The following HMCN1 variants were observed in gnomAD, a reference collection of about 807,000 sequenced individuals.
HMCN1 encodes the protein hemicentin-1.
Under a neutral mutation model 625.9 loss-of-function variants are expected in HMCN1, and 321 were observed. The observed-to-expected ratio is 0.51, with a 90% CI of 0.47 to 0.56. The LOEUF is 0.56. Ranked by LOEUF, HMCN1 falls within the 20% of genes least tolerant of loss-of-function variation. The pLI, the probability that HMCN1 is intolerant of heterozygous loss-of-function variation, is 0.00. For synonymous variants in HMCN1, 2,425 were observed against 2,417.6 expected (o/e 1.00, Z -0.09); for missense variants, 6,588 against 6,887.3 (o/e 0.96, Z 1.54).
At chr1:185,743,992 T>C in intron 1 of HMCN1, among the ~76,000 whole-genome samples, 1 of 139,636 alleles carries the variant, frequency 7.2e-6, no homozygotes, top group Admixed American at 7.1e-5. Context: ...GTTTTTTTTT[T>C]TTTTTTTTTT....
chr1:185,906,951 A>ATTTTTTTTTT (rs573094693), intron 4 of HMCN1, among the ~76,000 whole-genome samples: 4 of 108,630 alleles, frequency 3.7e-5, no homozygotes, highest in Non-Finnish European at 6.4e-5. Flanking sequence ...AATCCTTTCT[A>ATTTTTTTTTT]TTTTTTTTTT....
intron 15 of HMCN1, among the ~76,000 whole-genome samples, chr1:185,975,724 T>G (rs181057527): frequency 6.4e-4 from 98 of 152,338 alleles, no homozygotes; most frequent in African/African-American, 2.2e-3. Flanking sequence ...AAGAAAAATC[T>G]AAACACTGAT....
intron 103 of HMCN1, among the ~76,000 whole-genome samples, chr1:186,175,876 C>CAAAAAAAAAA (rs758445916): frequency 6.6e-5 from 5 of 76,170 alleles, no homozygotes; most frequent in African/African-American, 9.8e-5. Context: ...AACTATGTCT[C>CAAAAAAAAAA]AAAAAAAAAA....
chr1:186,114,761 A>G lies in HMCN1; in HGVS notation c.11277-58A>G, dbSNP rs558536831. On this transcript the variant is annotated intron_variant, in intron 73 of 106. Coordinates refer to ENST00000271588, the MANE Select transcript of HMCN1 (RefSeq NM_031935.3). ...AGTGTTTAACATTTCCCTCAGTCAA[A>G]ATATGAACAATCAAAAAAGGCTGAT... 2.0e-5 allele frequency: 32 copies of G among 1,602,624 alleles called. No homozygotes were observed. In the South Asian group the frequency reaches 2.9e-4, roughly 14 times the overall value.
intron 28 of HMCN1, among the ~76,000 whole-genome samples, 165 bp from the exon 29 acceptor site, chr1:186,003,553 A>G (rs1558134055): frequency 6.6e-6 from 1 of 152,132 alleles, no homozygotes; most frequent in Non-Finnish European, 1.5e-5. Context: ...TAAATTTAAC[A>G]TTTGGGTACA....
In HMCN1 at chr1:185,997,521, A is replaced by G; in HGVS notation, c.3871A>G (p.Lys1291Glu). 6.3e-7 allele frequency: 1 copy of G among 1,597,888 alleles called. No individual in the cohort carries two copies. The highest frequency in any genetic ancestry group is 8.6e-7 in the Non-Finnish European group (1 of 1,165,856). ...NQRIEFPCPAKGTPKPTIKWL... is the reference protein window; with the variant it reads ...NQRIEFPCPAEGTPKPTIKWL... Reference sequence around the variant, plus strand: ...ACGCATTGAATTTCCATGTCCTGCAAAAGGTACGTAATACTGAAAGATATA... The same window carrying G: ...ACGCATTGAATTTCCATGTCCTGCAGAAGGTACGTAATACTGAAAGATATA... Residue 1291 changes from lysine (K) to glutamate (E), a missense_variant, in exon 25 of 107, where the codon AAA becomes GAA. Lys to Glu is a moderately conservative substitution (Grantham distance 56). Transcript: ENST00000271588.
rs756587376 is a variant in HMCN1 at position 186,174,567 on chromosome 1, G to A, written c.15868G>A (p.Glu5290Lys). The change falls in exon 103 of 107, where the codon GAG becomes AAG. Residue 5290 changes from glutamate (E) to lysine (K), a missense_variant. By Grantham distance (56) the Glu-to-Lys change is moderately conservative. Transcript: ENST00000271588. ...THQCRYNQIC[E>K]NTRGSYRCVC... Reference sequence around the variant, plus strand: ...TCAGTGCAGATATAACCAGATATGTGAGAATACAAGAGGCAGCTATCGTTG... The same window carrying A: ...TCAGTGCAGATATAACCAGATATGTAAGAATACAAGAGGCAGCTATCGTTG... 4.3e-6 allele frequency: 7 copies of A among 1,613,660 alleles called. No individual in the cohort carries two copies. The Admixed American group carries it at 1.2e-4, about 27-fold the overall frequency.
rs769187405 is a variant in HMCN1 at position 186,055,605 on chromosome 1, G to A, written c.7075G>A (p.Gly2359Ser). The change falls in exon 45 of 107, where the codon GGC becomes AGC. Residue 2359 changes from glycine to serine, a missense_variant. By Grantham distance (56) the Gly-to-Ser change is moderately conservative (BLOSUM62 0). Around this residue, in one of 3 missense-constraint regions of HMCN1, gnomAD observed 4,628 missense variants for 4,853.1 expected, o/e 0.95. Coordinates refer to ENST00000271588, the MANE Select transcript of HMCN1 (RefSeq NM_031935.3). ...QLKNIHVSDT[G>S]RYVCVAVNVA... ...GAAGAACATTCATGTATCTGACACA[G>A]GCCGTTATGTGTGTGTTGCTGTGAA... is the stretch of plus-strand genomic sequence containing the variant. The A allele has an allele frequency of 6.2e-7, 1 of 1,612,688 alleles. No individual in the cohort carries two copies. Among genetic ancestry groups the A allele is most frequent in the South Asian group, 1.1e-5 (1 of 91,070 alleles).
chr1:186,079,942 G>A (rs768626424), intron 55 of HMCN1, among the ~76,000 whole-genome samples: 11 of 152,258 alleles, frequency 7.2e-5, no homozygotes, highest in Non-Finnish European at 1.5e-4. Context: ...CTAGTAGGGT[G>A]TGGCAGCTGG....
At chr1:185,844,661 C>T (rs1332590173) in intron 1 of HMCN1, among the ~76,000 whole-genome samples, 1 of 152,142 alleles carries the variant, frequency 6.6e-6, no homozygotes, top group East Asian at 1.9e-4. Context: ...ATCATCATTA[C>T]ATAAGATAAG....
At chr1:185,930,913 C>T (rs1667512304) in intron 10 of HMCN1, among the ~76,000 whole-genome samples, 1 of 150,260 alleles carries the variant, frequency 6.7e-6, no homozygotes, top group Non-Finnish European at 1.5e-5. Context: ...CCAATACACA[C>T]ACACACACAC....
rs185093642 is a variant in HMCN1, at chr1:186,035,894, T to C, written c.5750-2040T>C. On this transcript the variant is annotated intron_variant, in intron 36 of 106. Coordinates refer to ENST00000271588, the MANE Select transcript of HMCN1 (RefSeq NM_031935.3). ...ACACAATCTGCATGGGTACTTTTATTTTTCATATTCGTTATAACTGTATTT... is the reference window on the plus strand; with the variant it reads ...ACACAATCTGCATGGGTACTTTTATCTTTCATATTCGTTATAACTGTATTT... Among the ~76,000 whole-genome samples the C allele has an allele frequency of 2.9e-3, 437 of 152,222 alleles. 3 individuals carry two copies. Among genetic ancestry groups the C allele is most frequent in the African/African-American group, 9.9e-3 (413 of 41,554 alleles).
chr1:185,782,562 C>G (rs557141617), intron 1 of HMCN1, among the ~76,000 whole-genome samples: 1 of 152,180 alleles, frequency 6.6e-6, no homozygotes, highest in African/African-American at 2.4e-5. Flanking sequence ...AATCTCTCAG[C>G]ATTTGCTTGT....
chr1:186,070,496 A>T (rs1658410140), intron 51 of HMCN1, 116 bp from the exon 52 acceptor site: 1 of 877,680 alleles, frequency 1.1e-6, no homozygotes, highest in Non-Finnish European at 1.9e-6. Context: ...AGGTCAGCAT[A>T]GAATGCCTCT....
intron 4 of HMCN1, among the ~76,000 whole-genome samples, chr1:185,882,490 T>C (rs374817573): frequency 2.6e-5 from 4 of 152,074 alleles, no homozygotes; most frequent in African/African-American, 7.2e-5. Flanking sequence ...CTGTGTACCA[T>C]TTGATTTGAC....
At chr1:186,070,297 A>G (rs1038794805) in intron 51 of HMCN1, among the ~76,000 whole-genome samples, 11 of 152,196 alleles carry the variant, frequency 7.2e-5, no homozygotes, top group African/African-American at 2.7e-4. Context: ...ACCCTTAATG[A>G]CCAATAAGAT....
At chr1:185,982,509 A>C in intron 18 of HMCN1, 120 bp downstream of exon 18, 2 of 889,422 alleles carry the variant, frequency 2.2e-6, no homozygotes, top group Non-Finnish European at 1.7e-6. Context: ...GGTGGGATCT[A>C]GGCTCACCGC....
At position 185,821,343 on chromosome 1, in the gene HMCN1, A is replaced by G. The variant is rs540121795; in HGVS notation, c.269-24683A>G. Among the ~76,000 whole-genome samples, 17 of 152,236 alleles carry G rather than the reference A, an allele frequency of 1.1e-4. No homozygotes were observed. The East Asian group carries it at 3.3e-3, about 29-fold the overall frequency. On this transcript the variant is annotated intron_variant, in intron 1 of 106. Transcript: ENST00000271588. ...TTAAAGAGAATAATTATATGTCATTAGTTGTTGACATATGTTTGATGCAAG... is the reference window on the plus strand; with the variant it reads ...TTAAAGAGAATAATTATATGTCATTGGTTGTTGACATATGTTTGATGCAAG...
At chr1:185,926,393 T>C (rs1667279256) in intron 9 of HMCN1, among the ~76,000 whole-genome samples, 1 of 152,218 alleles carries the variant, frequency 6.6e-6, no homozygotes, top group African/African-American at 2.4e-5. Flanking sequence ...TCTTAATGAT[T>C]TATTTAGCTG....
Sources: gnomAD v4.1 joint callset for allele counts (sites outside exome capture counted in the v4.1 genomes callset) on GRCh38, gnomAD v4.1.1 for gene constraint, gnomAD v4.1.1 regional missense constraint, MANE v1.5 for transcripts, NCBI Gene and HGNC (gene_info 2026-07-23, HGNC 2026-07-21) for gene names.